Variants in TJP1 observed in about 807,000 individuals in gnomAD.
TJP1 encodes the protein tight junction protein 1.
A neutral mutation model predicts 194.2 loss-of-function variants in TJP1; 43 were observed. That is an observed-to-expected ratio of 0.22 (90% CI 0.17 to 0.29). TJP1 has a LOEUF of 0.29. Among genes scored for constraint, TJP1 ranks in the 10% least tolerant of loss-of-function variants. The pLI is 1.00. For synonymous variants in TJP1, 801 were observed against 779.0 expected, an observed-to-expected ratio of 1.03 and a Z score of -0.47; for missense variants, 1,971 against 2,185.7, an observed-to-expected ratio of 0.90 and a Z score of 1.96.
chr15:29,740,221 C>T (rs543256153), intron 10 of TJP1, among the ~76,000 whole-genome samples: 35 of 152,148 alleles, frequency 2.3e-4, no homozygotes, highest in South Asian at 1.5e-3. Flanking sequence ...GTGATTCGCC[C>T]GCCTCGGCCT....
chr15:29,867,230 T>C (rs2052339311), intron 2 of TJP1, among the ~76,000 whole-genome samples: 1 of 152,204 alleles, frequency 6.6e-6, no homozygotes, highest in Non-Finnish European at 1.5e-5. Flanking sequence ...AGACATGCTG[T>C]TTGTGGCTAA....
intron 10 of TJP1, 72 bp from the exon 11 acceptor site, chr15:29,737,486 A>G (rs1566928871): frequency 1.4e-5 from 21 of 1,506,620 alleles, no homozygotes; most frequent in Non-Finnish European, 1.9e-5. Context: ...CTACAGTGAA[A>G]ACTATATTCA....
At chr15:29,863,796 C>T (rs984972944) in intron 2 of TJP1, among the ~76,000 whole-genome samples, 31 of 152,140 alleles carry the variant, frequency 2.0e-4, no homozygotes, top group African/African-American at 7.2e-4. Flanking sequence ...CACCCCATCC[C>T]CCAGAATGAT....
At chr15:29,773,174 G>T (rs990008143) in intron 3 of TJP1, 59 bp downstream of exon 3, 9 of 1,599,884 alleles carry the variant, frequency 5.6e-6, no homozygotes, top group African/African-American at 1.3e-5. Flanking sequence ...CAGTACGCCA[G>T]TGCCTGAGGA....
intron 11 of TJP1, among the ~76,000 whole-genome samples, chr15:29,736,178 T>C (rs17570926): frequency 0.031 from 4,665 of 152,314 alleles, 101 homozygotes; most frequent in Non-Finnish European, 0.05. Context: ...CAATGGCTTA[T>C]TGAAAACTGA....
chr15:29,863,020 C>G (rs1220849376), intron 2 of TJP1, among the ~76,000 whole-genome samples: 1 of 151,060 alleles, frequency 6.6e-6, no homozygotes, highest in Non-Finnish European at 1.5e-5. Context: ...CTTGTCTGGG[C>G]ACGGTGGCTC....
intron 8 of TJP1, chr15:29,759,472 T>TA (rs2045859308): frequency 6.6e-6 from 1 of 152,332 alleles, no homozygotes; most frequent in African/African-American, 2.4e-5. Flanking sequence ...TTACTTTTCT[T>TA]AGTGTGTGTC....
chr15:29,860,731 A>G (rs1245083907), intron 2 of TJP1, among the ~76,000 whole-genome samples: 1 of 152,214 alleles, frequency 6.6e-6, no homozygotes, highest in African/African-American at 2.4e-5. Context: ...AAATGCAGGC[A>G]TACCTCATTT....
chr15:29,908,221 C>T (rs74970007), intron 2 of TJP1, among the ~76,000 whole-genome samples: 1,952 of 152,038 alleles, frequency 0.013, 37 homozygotes, highest in African/African-American at 0.043. Context: ...CCCATCACAA[C>T]GAATTTAAAA....
At chr15:29,936,079 A>T (rs977395984) in intron 2 of TJP1, among the ~76,000 whole-genome samples, 3 of 151,692 alleles carry the variant, frequency 2.0e-5, no homozygotes, top group Admixed American at 6.6e-5. Flanking sequence ...CTACCTCCCA[A>T]CCCCAAACTG....
chr15:29,773,876 A>G (rs965361997), intron 2 of TJP1, among the ~76,000 whole-genome samples: 1 of 152,268 alleles, frequency 6.6e-6, no homozygotes, highest in Non-Finnish European at 1.5e-5. Flanking sequence ...TATACAATAG[A>G]AGGTGTACAT....
At chr15:29,912,720 A>AAAAG (rs2054059341) in intron 2 of TJP1, among the ~76,000 whole-genome samples, 1 of 148,474 alleles carries the variant, frequency 6.7e-6, no homozygotes, top group Non-Finnish European at 1.5e-5. Flanking sequence ...AAAAAAAAAA[A>AAAAG]AAAGAGGGAG....
At chr15:29,819,420 G>A (rs1410604456) in intron 1 of TJP1, among the ~76,000 whole-genome samples, 1 of 152,052 alleles carries the variant, frequency 6.6e-6, no homozygotes, top group Non-Finnish European at 1.5e-5. Flanking sequence ...CACTTCATAG[G>A]GTTACTGTGA....
At chr15:29,817,359 T>C (rs765541564) in intron 1 of TJP1, among the ~76,000 whole-genome samples, 10 of 152,192 alleles carry the variant, frequency 6.6e-5, no homozygotes, top group Admixed American at 2.6e-4. Flanking sequence ...TGTGGAGAAA[T>C]AGGAACGCTT....
Position 29,719,033 on chromosome 15 carries a change from G to T in TJP1, c.3109C>A (p.Leu1037Met), listed in dbSNP as rs752729423. 6.2e-6 allele frequency: 10 copies of T among 1,614,180 alleles called. No individual in the cohort carries two copies. Among genetic ancestry groups the T allele is most frequent in the Non-Finnish European group, 8.5e-6 (10 of 1,180,034 alleles). ...TATGGGAGTTGGGGTTCATAGGTCAGATTAGGCTCTTTGTCTGGCCTGTGC... is the reference window on the plus strand; with the variant it reads ...TATGGGAGTTGGGGTTCATAGGTCATATTAGGCTCTTTGTCTGGCCTGTGC... The part of the protein sequence containing the change: ...PGHRPDKEPN[L>M]TYEPQLPYVE... The change falls in exon 21 of 28, where the codon CTG becomes ATG. Residue 1037 changes from leucine (L) to methionine (M), a missense_variant. Leu to Met is a conservative substitution (Grantham distance 15, BLOSUM62 2). Around this residue, in one of 5 missense-constraint regions of TJP1, gnomAD observed 1,108 missense variants for 1,128.5 expected, o/e 0.98. Transcript: ENST00000614355.
At chr15:29,942,698 TC>T (rs2055122479) in intron 2 of TJP1, among the ~76,000 whole-genome samples, 1 of 152,170 alleles carries the variant, frequency 6.6e-6, no homozygotes, top group Non-Finnish European at 1.5e-5. Context: ...GGTGCGTACC[TC>T]CGCAGAGGGC....
At chr15:29,948,094 A>G (rs2055344817) in intron 2 of TJP1, among the ~76,000 whole-genome samples, 1 of 152,082 alleles carries the variant, frequency 6.6e-6, no homozygotes, top group Non-Finnish European at 1.5e-5. Flanking sequence ...GTAAAACCCC[A>G]TCTCTACTAA....
intron 2 of TJP1, among the ~76,000 whole-genome samples, chr15:29,882,759 GT>G (rs1567163591): frequency 6.6e-6 from 1 of 152,136 alleles, no homozygotes; most frequent in Non-Finnish European, 1.5e-5. Flanking sequence ...ATCAATAAAG[GT>G]TTTTTAAAAA....
Position 29,869,795 on chromosome 15 carries a change from C to CTTTTT in TJP1, c.307-69098_307-69094dup, listed in dbSNP as rs11318770. On this transcript the variant is annotated intron_variant, in intron 2 of 28. Coordinates refer to the TJP1 transcript ENST00000356107. ...TTCCCCTGTCTTTCTTTCTTTCTTT[C>CTTTTT]TTTTTTTTTTTTTTTTTTTTTTTTT... is the stretch of plus-strand genomic sequence containing the variant. Among the ~76,000 whole-genome samples the CTTTTT allele has an allele frequency of 3.2e-3, 180 of 56,072 alleles. 4 individuals carry two copies. The highest frequency in any genetic ancestry group is 5.8e-3 in the African/African-American group (86 of 14,922). The allele number at this position is 56,072 out of a possible 152,430, so 36.8% of individuals were successfully genotyped here.
Sources: allele counts gnomAD v4.1 joint callset (sites outside exome capture counted in the v4.1 genomes callset), GRCh38; gene constraint gnomAD v4.1.1; regional missense constraint gnomAD v4.1.1; transcripts MANE v1.5; gene names NCBI Gene and HGNC (gene_info 2026-07-23, HGNC 2026-07-21).